The following ZNF558 variants were observed in gnomAD, a reference collection of about 807,000 sequenced individuals.
The protein encoded by ZNF558 is zinc finger protein 558.
In ZNF558, 23 loss-of-function variants were observed where a neutral mutation model predicts 37.6. The ratio of observed to expected loss-of-function variants is 0.61; its 90% confidence interval spans 0.44 to 0.87. ZNF558 has a LOEUF of 0.87. ZNF558 is among the 40% of genes least tolerant of loss of function. The pLI, the probability that ZNF558 is intolerant of heterozygous loss-of-function variation, is 0.00. For synonymous variants in ZNF558, 189 were observed against 174.4 expected, an observed-to-expected ratio of 1.08 and a Z score of -0.66; for missense variants, 429 against 483.7, an observed-to-expected ratio of 0.89 and a Z score of 1.06.
chr19:8,821,352 C>G, intron 6 of ZNF558, 46 bp from the exon 7 acceptor site: 6 of 1,614,142 alleles, frequency 3.7e-6, no homozygotes, highest in Non-Finnish European at 5.1e-6. Context: ...CCACCCCCAC[C>G]AACGTGCACA....
chr19:8,808,651 T>C lies in ZNF558; in HGVS notation c.*2630A>G, dbSNP rs1555766629. Reference sequence around the variant, plus strand: ...ATTGTTTTCAAAGAAACAACATGGGTAAAACTTGACCAATTTATAGGTTTA... The same window carrying C: ...ATTGTTTTCAAAGAAACAACATGGGCAAAACTTGACCAATTTATAGGTTTA... On this transcript the variant is annotated 3_prime_UTR_variant, in exon 10 of 10. Transcript: ENST00000601372. 6.6e-6 allele frequency: 1 copy of C among 152,228 alleles called. No homozygotes were observed. Among genetic ancestry groups the C allele is most frequent in the African/African-American group, 2.4e-5 (1 of 41,468 alleles). The allele number at this position is 152,228 out of a possible 1,614,324, so 9.4% of individuals were successfully genotyped here.
In ZNF558 at chr19:8,810,084, C is replaced by T. The variant is rs1439932566; in HGVS notation, c.*1197G>A. The T allele has an allele frequency of 6.6e-6, 1 of 152,038 alleles. No homozygotes were observed. The highest frequency in any genetic ancestry group is 1.5e-5 in the Non-Finnish European group (1 of 68,002). The allele number at this position is 152,038 out of a possible 1,614,324, so 9.4% of individuals were successfully genotyped here. A position where few individuals can be genotyped will look rare whatever the true frequency, so the allele number is the denominator to read the frequency against. ...ACAGAGGCATCACTGAAGGCTTTCT[C>T]TTCTTCTTTATATTTCAAGTTTCTC... On this transcript the variant is annotated 3_prime_UTR_variant, in exon 10 of 10. Coordinates refer to ENST00000601372, the MANE Select transcript of ZNF558 (RefSeq NM_144693.3).
chr19:8,821,081 T>C, intron 7 of ZNF558, 99 bp downstream of exon 7: 1 of 1,499,168 alleles, frequency 6.7e-7, no homozygotes, highest in Non-Finnish European at 8.9e-7. Flanking sequence ...TGGTGAATTT[T>C]ATGTTGTATG....
upstream of ZNF558, among the ~76,000 whole-genome samples, chr19:8,834,503 G>A (rs1268605683): frequency 6.6e-6 from 1 of 151,728 alleles, no homozygotes; most frequent in Non-Finnish European, 1.5e-5. Flanking sequence ...AGCTACTCGG[G>A]AGACTGAGGC....
Position 8,808,553 on chromosome 19 carries a change from G to A in ZNF558, c.*2728C>T, listed in dbSNP as rs2043722525. On this transcript the variant is annotated 3_prime_UTR_variant, in exon 10 of 10. Coordinates refer to ENST00000601372, the MANE Select transcript of ZNF558 (RefSeq NM_144693.3). ...GTTAGAAAAAGAAATCTGAACATAC[G>A]TACTGTACTTGGAAATACAATTAAG... 1 of 152,126 alleles carries A rather than the reference G, an allele frequency of 6.6e-6. No homozygotes were observed. Among genetic ancestry groups the A allele is most frequent in the African/African-American group, 2.4e-5 (1 of 41,422 alleles). The allele number at this position is 152,126 out of a possible 1,614,324, so 9.4% of individuals were successfully genotyped here. A position where few individuals can be genotyped will look rare whatever the true frequency, so the allele number is the denominator to read the frequency against.
rs2043726949 is a variant in ZNF558 at position 8,808,954 on chromosome 19, A to T, written c.*2327T>A. On this transcript the variant is annotated 3_prime_UTR_variant, in exon 10 of 10. Coordinates refer to ENST00000601372, the MANE Select transcript of ZNF558 (RefSeq NM_144693.3). Reference sequence around the variant, plus strand: ...ACCACCACACCCAGCTAATCTTTATACTTTTAGTAGAGATAGGGTTTCACC... The same window carrying T: ...ACCACCACACCCAGCTAATCTTTATTCTTTTAGTAGAGATAGGGTTTCACC... The T allele has an allele frequency of 6.6e-6, 1 of 151,848 alleles. No individual in the cohort carries two copies. The highest frequency in any genetic ancestry group is 1.5e-5 in the Non-Finnish European group (1 of 67,982). 9.4% of individuals were successfully genotyped at this position (151,848 alleles called of 1,614,324 possible). A position where few individuals can be genotyped will look rare whatever the true frequency, so the allele number is the denominator to read the frequency against.
rs191615097 is a variant in ZNF558 at position 8,808,460 on chromosome 19, T to A, written c.*2821A>T. On this transcript the variant is annotated 3_prime_UTR_variant, in exon 10 of 10. Transcript: ENST00000601372. ...TACATAATGTCAAAATATATAAAAA[T>A]GACAAAATTACAGTGTTAATACATA... 2.0e-5 allele frequency: 3 copies of A among 152,146 alleles called. No individual in the cohort carries two copies. The highest frequency in any genetic ancestry group is 1.3e-4 in the Admixed American group (2 of 15,266). 9.4% of individuals were successfully genotyped at this position (152,146 alleles called of 1,614,324 possible). A position where few individuals can be genotyped will look rare whatever the true frequency, so the allele number is the denominator to read the frequency against.
rs1395299611 is a variant in ZNF558 at position 8,809,365 on chromosome 19, G to T, written c.*1916C>A. The stretch of plus-strand genomic sequence containing the variant: ...TTGCCAGGGGAGTGCGAAAAAACCC[G>T]CCTGGGCTTCAGGAAAAACTATAAG... On this transcript the variant is annotated 3_prime_UTR_variant, in exon 10 of 10. Coordinates refer to ENST00000601372, the MANE Select transcript of ZNF558 (RefSeq NM_144693.3). The T allele has an allele frequency of 6.6e-6, 1 of 152,150 alleles. No homozygotes were observed. Among genetic ancestry groups the T allele is most frequent in the East Asian group, 1.9e-4 (1 of 5,194 alleles). The allele number at this position is 152,150 out of a possible 1,614,324, so 9.4% of individuals were successfully genotyped here.
intron 2 of ZNF558, among the ~76,000 whole-genome samples, chr19:8,825,651 T>C (rs887286620): frequency 6.6e-6 from 1 of 152,138 alleles, no homozygotes; most frequent in Non-Finnish European, 1.5e-5. Flanking sequence ...GTGACCTCCA[T>C]GACATGAACC....
chr19:8,837,542 TCTGCCTCGAA>T, the ZNF558 span, among the ~76,000 whole-genome samples: 3 of 152,144 alleles, frequency 2.0e-5, no homozygotes, highest in Non-Finnish European at 4.4e-5. Flanking sequence ...CTGGACCCTT[TCTGCCTCGAA>T]TGGGGGTGGC....
At chr19:8,817,777 T>C (rs1335965344) in intron 7 of ZNF558, among the ~76,000 whole-genome samples, 2 of 152,202 alleles carry the variant, frequency 1.3e-5, no homozygotes, top group Non-Finnish European at 2.9e-5. Flanking sequence ...CATCAATTTA[T>C]GGAGAAAATG....
intron 2 of ZNF558, among the ~76,000 whole-genome samples, chr19:8,829,152 C>T (rs1201596017): frequency 4.0e-5 from 6 of 151,600 alleles, no homozygotes; most frequent in East Asian, 1.9e-4. Flanking sequence ...ATCCCAGCTA[C>T]TCAGGAGGCT....
In ZNF558 at chr19:8,822,717, G is replaced by A. The variant is rs375709043; in HGVS notation, c.-58C>T. On this transcript the variant is annotated 5_prime_UTR_variant, in exon 5 of 10. Transcript: ENST00000601372. The surrounding 1 kb of genome is among the most constrained non-coding windows in gnomAD (Gnocchi z 4.4). ...AAGCAGGACGCTCCTCCTTTATCCC[G>A]CAGCGCTCTGGAAGAAACGGGAATG... 6.5e-5 allele frequency: 105 copies of A among 1,613,240 alleles called. No individual in the cohort carries two copies. Among genetic ancestry groups the A allele is most frequent in the Middle Eastern group, 1.6e-4 (1 of 6,080 alleles).
chr19:8,811,804 A>G lies in ZNF558; in HGVS notation c.686T>C (p.Ile229Thr), dbSNP rs782744412. The change falls in exon 10 of 10, where the codon ATT (isoleucine) becomes ACT (threonine). Residue 229 changes from isoleucine to threonine, a missense_variant. Transcript: ENST00000601372. The part of the protein sequence containing the change: ...DPSSLRLHLR[I>T]HTGEKPYECN... ...TTCATAGGGTTTTTCTCCAGTGTGA[A>G]TTCTCAAATGCAGTCTAAGGGATGA... 1 of 1,614,156 alleles carries G rather than the reference A, an allele frequency of 6.2e-7. No individual in the cohort carries two copies. The highest frequency in any genetic ancestry group is 1.7e-5 in the Admixed American group (1 of 60,016).
intron 7 of ZNF558, among the ~76,000 whole-genome samples, chr19:8,818,922 T>G (rs2044010685): frequency 6.6e-6 from 1 of 152,196 alleles, no homozygotes; most frequent in African/African-American, 2.4e-5. Flanking sequence ...CAAGGTCATT[T>G]GATGGGGAAA....
intron 9 of ZNF558, 61 bp downstream of exon 9, chr19:8,812,499 CT>C: frequency 8.5e-7 from 1 of 1,182,966 alleles, no homozygotes; most frequent in Non-Finnish European, 1.2e-6. Context: ...ATTTTGTGCC[CT>C]TTCTAAACTT....
At chr19:8,830,554 C>T (rs769276553) in intron 2 of ZNF558, among the ~76,000 whole-genome samples, 3 of 152,146 alleles carry the variant, frequency 2.0e-5, no homozygotes, top group South Asian at 2.1e-4. Flanking sequence ...TTTACAAATG[C>T]CCTTATATTT....
chr19:8,831,677 G>A (rs2910367), intron 1 of ZNF558, among the ~76,000 whole-genome samples: 32,813 of 152,166 alleles, frequency 0.22, 3,826 homozygotes, highest in Non-Finnish European at 0.26. Flanking sequence ...TGACTCCACA[G>A]GCTTTAAAAA....
chr19:8,815,841 G>A (rs1235356041), intron 7 of ZNF558, among the ~76,000 whole-genome samples: 2 of 151,768 alleles, frequency 1.3e-5, no homozygotes, highest in African/African-American at 4.8e-5. Context: ...TAAAAAAGAT[G>A]AACAGAGCCT....
Sources: allele counts gnomAD v4.1 joint callset (sites outside exome capture counted in the v4.1 genomes callset), GRCh38; gene constraint gnomAD v4.1.1; non-coding constraint Gnocchi (gnomAD v3.1); transcripts MANE v1.5; gene names NCBI Gene and HGNC (gene_info 2026-07-23, HGNC 2026-07-21).